The following EAF2 variants were observed in gnomAD, a reference collection of about 807,000 sequenced individuals.
EAF2 encodes ELL associated factor 2.
EAF2 carries 29 observed loss-of-function variants against 29.4 expected under a neutral mutation model. The ratio of observed to expected loss-of-function variants is 0.99; its 90% CI spans 0.73 to 1.35. The LOEUF is 1.35. EAF2 is among the 40% of genes most tolerant of loss of function. The probability of loss-of-function intolerance (pLI) is 0.00; values close to 1 mark genes in which losing one functional copy is unlikely to be tolerated. For synonymous variants in EAF2, 103 were observed against 102.5 expected, an observed-to-expected ratio of 1.00 and a Z score of -0.03; for missense variants, 292 against 312.0, an observed-to-expected ratio of 0.94 and a Z score of 0.48.
At chr3:121,849,363 T>C (rs1708586925) in intron 2 of EAF2, among the ~76,000 whole-genome samples, 1 of 152,194 alleles carries the variant, frequency 6.6e-6, no homozygotes, top group South Asian at 2.1e-4. Flanking sequence ...TCTGGTTAAA[T>C]AGTGGGCATT....
intron 5 of EAF2, among the ~76,000 whole-genome samples, chr3:121,877,248 CAG>C (rs1709116118): frequency 6.6e-6 from 1 of 151,248 alleles, no homozygotes; most frequent in Non-Finnish European, 1.5e-5. Context: ...TAAAACATAA[CAG>C]AAGTAGTAGA....
chr3:121,844,493 A>T lies in EAF2; in HGVS notation c.147A>T (p.Gly49=). 1.2e-6 allele frequency: 2 copies of T among 1,610,966 alleles called. No homozygotes were observed. Among genetic ancestry groups the T allele is most frequent in the Non-Finnish European group, 1.7e-6 (2 of 1,178,758 alleles). The change falls in exon 2 of 6, where the codon GGA becomes GGT. Residue 49 remains glycine (G), a synonymous_variant. Coordinates refer to ENST00000273668, the MANE Select transcript of EAF2 (RefSeq NM_018456.6). The part of the protein sequence containing the change: ...KPASIDTSSE[G]YLEVGEGEQV... The stretch of plus-strand genomic sequence containing the variant: ...CTTCTATTGACACTTCTTCTGAAGG[A>T]TACCTTGAGGTTGGTGAAGGTGAAC...
At chr3:121,877,105 G>A (rs908085228) in intron 5 of EAF2, among the ~76,000 whole-genome samples, 2 of 151,906 alleles carry the variant, frequency 1.3e-5, no homozygotes, top group African/African-American at 4.8e-5. Context: ...TGTACTCCTA[G>A]AGATAAAGGG....
At chr3:121,871,970 G>A (rs974153337) in intron 4 of EAF2, among the ~76,000 whole-genome samples, 43 of 151,738 alleles carry the variant, frequency 2.8e-4, no homozygotes, top group African/African-American at 9.7e-4. Context: ...CTAAACAAAA[G>A]AAGACATCAT....
At chr3:121,850,704 T>A (rs9812676) in intron 2 of EAF2, among the ~76,000 whole-genome samples, 5,474 of 152,228 alleles carry the variant, frequency 0.036, 339 homozygotes, top group African/African-American at 0.13. Flanking sequence ...TTCTTTTTTT[T>A]ATTATTTTTT....
chr3:121,880,467 T>G (rs959129702), intron 5 of EAF2, among the ~76,000 whole-genome samples: 3 of 150,478 alleles, frequency 2.0e-5, no homozygotes, highest in African/African-American at 7.4e-5. Flanking sequence ...TGTGTGTGTG[T>G]GTGTGTGTGT....
intron 4 of EAF2, among the ~76,000 whole-genome samples, chr3:121,868,719 G>A (rs1464650445): frequency 6.6e-6 from 1 of 152,200 alleles, no homozygotes; most frequent in Non-Finnish European, 1.5e-5. Flanking sequence ...AGAAAAACGT[G>A]AAGCAAAAAC....
rs912550168 is a variant in EAF2 at position 121,835,217 on chromosome 3, C to T, written c.-69C>T. ...ACTTGGCTGGCGGGATCAAGTGCAG[C>T]TGCTTCAGGCTGAGGTGGCAGATAG... is the stretch of plus-strand genomic sequence containing the variant. On this transcript the variant is annotated 5_prime_UTR_variant, in exon 1 of 6. Coordinates refer to ENST00000273668, the MANE Select transcript of EAF2 (RefSeq NM_018456.6). 3.4e-6 allele frequency: 5 copies of T among 1,470,778 alleles called. No individual in the cohort carries two copies. Among genetic ancestry groups the T allele is most frequent in the Non-Finnish European group, 4.8e-6 (5 of 1,051,516 alleles). The allele number at this position is 1,470,778 out of a possible 1,614,324, so 91.1% of individuals were successfully genotyped here.
intron 5 of EAF2, chr3:121,873,107 C>A: frequency 1.5e-6 from 1 of 675,480 alleles, no homozygotes; most frequent in South Asian, 1.6e-5. Flanking sequence ...CAATTTCTCC[C>A]TAAATAACTT....
intron 5 of EAF2, among the ~76,000 whole-genome samples, chr3:121,883,112 A>G (rs1709218566): frequency 6.6e-6 from 1 of 152,218 alleles, no homozygotes; most frequent in African/African-American, 2.4e-5. Context: ...CAGAAGATAC[A>G]ATGAAGTAAC....
At chr3:121,842,279 A>G (rs961815283) in intron 1 of EAF2, among the ~76,000 whole-genome samples, 2 of 152,208 alleles carry the variant, frequency 1.3e-5, no homozygotes, top group Non-Finnish European at 2.9e-5. Flanking sequence ...ATAAATAGTG[A>G]AAGATTTTAT....
At chr3:121,877,549 A>G (rs893769889) in intron 5 of EAF2, among the ~76,000 whole-genome samples, 4 of 151,934 alleles carry the variant, frequency 2.6e-5, no homozygotes, top group African/African-American at 4.8e-5. Context: ...ATAAATAAAA[A>G]TTACTTTAAA....
intron 2 of EAF2, among the ~76,000 whole-genome samples, chr3:121,845,789 AG>A (rs36050562): frequency 0.37 from 55,802 of 151,848 alleles, 10,772 homozygotes; most frequent in African/African-American, 0.42. Context: ...AGAGACTGTC[AG>A]GGGAGGCCCT....
At chr3:121,839,448 T>G (rs1359879452) in intron 1 of EAF2, among the ~76,000 whole-genome samples, 1 of 152,232 alleles carries the variant, frequency 6.6e-6, no homozygotes, top group East Asian at 1.9e-4. Context: ...CCCTTTGTGT[T>G]ACTGTGAGAA....
chr3:121,853,604 T>G (rs1450655149), intron 2 of EAF2, among the ~76,000 whole-genome samples: 1 of 152,174 alleles, frequency 6.6e-6, no homozygotes, highest in Admixed American at 6.5e-5. Context: ...CTCTCTTCTC[T>G]TTTTTATGCC....
chr3:121,886,213 A>G (rs1247177658), intron 5 of EAF2, 129 bp from the exon 6 acceptor site: 3 of 432,870 alleles, frequency 6.9e-6, no homozygotes, highest in East Asian at 8.4e-5. Context: ...TCACTGAATT[A>G]CAGAATAAGC....
chr3:121,869,273 A>G (rs1267099615), intron 4 of EAF2, among the ~76,000 whole-genome samples: 1 of 152,218 alleles, frequency 6.6e-6, no homozygotes, highest in Non-Finnish European at 1.5e-5. Context: ...GAAAGTTATC[A>G]TATTAATTAA....
chr3:121,845,440 CAAAAAAAAA>C (rs747436052), intron 2 of EAF2, among the ~76,000 whole-genome samples: 5 of 59,968 alleles, frequency 8.3e-5, no homozygotes, highest in African/African-American at 1.3e-4. Flanking sequence ...TCCTACATCT[CAAAAAAAAA>C]AAAAAAAAAA....
At chr3:121,885,252 T>C (rs940934499) in intron 5 of EAF2, among the ~76,000 whole-genome samples, 10 of 152,176 alleles carry the variant, frequency 6.6e-5, no homozygotes, top group Admixed American at 3.3e-4. Flanking sequence ...TAATTAGTCC[T>C]ATAAACTCTG....
Sources: gnomAD v4.1 joint callset for allele counts (sites outside exome capture counted in the v4.1 genomes callset) on GRCh38, gnomAD v4.1.1 for gene constraint, MANE v1.5 for transcripts, NCBI Gene and HGNC (gene_info 2026-07-23, HGNC 2026-07-21) for gene names.